C12orf42: variants seen among roughly 807,000 people sequenced by gnomAD.
C12orf42 encodes the protein chromosome 12 open reading frame 42, also known as uncharacterized protein C12orf42.
In C12orf42, 25 loss-of-function variants were observed where a neutral mutation model predicts 21.6. The observed-to-expected ratio is 1.16, with a 90% CI of 0.84 to 1.62. The LOEUF is 1.62. Among genes scored for constraint, C12orf42 ranks in the 40% most tolerant of loss-of-function variants. C12orf42 has a pLI of 0.00. For synonymous variants in C12orf42, 174 were observed against 175.0 expected (o/e 0.99, Z 0.05); for missense variants, 483 against 459.3 (o/e 1.05, Z -0.47).
chr12:103,261,341 G>A (rs1043779897), intron 10 of C12orf42, among the ~76,000 whole-genome samples: 40 of 151,990 alleles, frequency 2.6e-4, no homozygotes, highest in African/African-American at 9.4e-4. Context: ...AATTAGCTGG[G>A]CTATGTGGTA....
chr12:103,460,783 T>A (rs1952648145), intron 2 of C12orf42, among the ~76,000 whole-genome samples: 1 of 152,210 alleles, frequency 6.6e-6, no homozygotes, highest in Non-Finnish European at 1.5e-5. Context: ...TATGCATGTG[T>A]GAGCATAAAT....
At chr12:103,518,548 T>C in the C12orf42 span, among the ~76,000 whole-genome samples, 1 of 152,194 alleles carries the variant, frequency 6.6e-6, no homozygotes, top group Non-Finnish European at 1.5e-5. Context: ...TGGTCCCAAC[T>C]GGCAGAACCT....
At position 103,400,631 on chromosome 12, in the gene C12orf42, G is replaced by A. The variant is rs569347881; in HGVS notation, c.147+976C>T. Among the ~76,000 whole-genome samples the A allele has an allele frequency of 1.2e-4, 18 of 152,282 alleles. 1 individual carries two copies. The South Asian group carries it at 3.5e-3, about 30-fold the overall frequency. Reference sequence around the variant, plus strand: ...AGGTCATGTTTTTCAACTAGGTCATGTTTTTCATCTTTTCTACTATTGGCC... The same window carrying A: ...AGGTCATGTTTTTCAACTAGGTCATATTTTTCATCTTTTCTACTATTGGCC... On this transcript the variant is annotated intron_variant, in intron 3 of 5. Transcript: ENST00000548883.
the C12orf42 span, among the ~76,000 whole-genome samples, chr12:103,530,632 G>C: frequency 6.6e-6 from 1 of 152,084 alleles, no homozygotes; most frequent in East Asian, 1.9e-4. Flanking sequence ...TGTTCGGGGG[G>C]GGAAAACCCA....
At chr12:103,528,657 T>C in the C12orf42 span, among the ~76,000 whole-genome samples, 1 of 152,202 alleles carries the variant, frequency 6.6e-6, no homozygotes, top group Non-Finnish European at 1.5e-5. Flanking sequence ...CTGCCATGAA[T>C]AGAAGCCACC....
At chr12:103,496,959 A>G (rs992210058), upstream of C12orf42, among the ~76,000 whole-genome samples, 2 of 152,220 alleles carry the variant, frequency 1.3e-5, no homozygotes, top group Non-Finnish European at 2.9e-5. Flanking sequence ...CTTTAAAAAA[A>G]AAAGTAAGTT....
intron 10 of C12orf42, among the ~76,000 whole-genome samples, chr12:103,251,107 C>T (rs2034278033): frequency 6.6e-6 from 1 of 152,088 alleles, no homozygotes; most frequent in Non-Finnish European, 1.5e-5. Flanking sequence ...AGGATGACAA[C>T]AAAGCAAACT....
chr12:103,430,841 T>C (rs1308938982), intron 2 of C12orf42, among the ~76,000 whole-genome samples: 3 of 152,204 alleles, frequency 2.0e-5, no homozygotes, highest in African/African-American at 7.2e-5. Context: ...GAAACCATTA[T>C]TCTCAGCAAA....
At chr12:103,277,237 G>A in intron 4 of C12orf42, 1 of 434,648 alleles carries the variant, frequency 2.3e-6, no homozygotes, top group South Asian at 1.7e-5. Flanking sequence ...TATGGAAAGG[G>A]GGATAGAAAG....
intron 4 of C12orf42, among the ~76,000 whole-genome samples, chr12:103,348,693 C>T (rs1217019150): frequency 6.6e-6 from 1 of 152,100 alleles, no homozygotes; most frequent in Non-Finnish European, 1.5e-5. Context: ...TAATGGTATA[C>T]AGAAGACATA....
At chr12:103,321,457 C>T (rs1265453830) in intron 4 of C12orf42, among the ~76,000 whole-genome samples, 4 of 143,838 alleles carry the variant, frequency 2.8e-5, no homozygotes, top group African/African-American at 1.0e-4. Context: ...GTCAGTGTGG[C>T]GATTCCTCAG....
At chr12:103,196,892 G>A in the C12orf42 span, among the ~76,000 whole-genome samples, 1 of 152,094 alleles carries the variant, frequency 6.6e-6, no homozygotes, top group Non-Finnish European at 1.5e-5. Context: ...TGCCTTTTAA[G>A]TGAGGTGTTT....
At chr12:103,061,424 T>A in the C12orf42 span, among the ~76,000 whole-genome samples, 4 of 152,186 alleles carry the variant, frequency 2.6e-5, no homozygotes, top group East Asian at 7.7e-4. Context: ...ATCTTTAATA[T>A]CCTTAAGGAC....
At chr12:103,281,512 A>T (rs2036117219) in intron 4 of C12orf42, among the ~76,000 whole-genome samples, 1 of 151,728 alleles carries the variant, frequency 6.6e-6, no homozygotes, top group Non-Finnish European at 1.5e-5. Flanking sequence ...GCCCACCACC[A>T]TGCCTGGCTA....
intron 1 of C12orf42, among the ~76,000 whole-genome samples, chr12:103,485,952 C>A (rs546370442): frequency 2.6e-5 from 4 of 152,172 alleles, no homozygotes; most frequent in Non-Finnish European, 5.9e-5. Context: ...TTCCTAATTG[C>A]ATACCCTTTA....
intron 3 of C12orf42, among the ~76,000 whole-genome samples, chr12:103,399,807 G>C (rs769975723): frequency 3.0e-4 from 45 of 151,876 alleles, no homozygotes; most frequent in Non-Finnish European, 6.0e-4. Flanking sequence ...TATAATACTG[G>C]AATACATACA....
At position 103,462,108 on chromosome 12, in the gene C12orf42, T is replaced by TTTTTTTTTTTTTG. The variant is rs1565868123; in HGVS notation, c.78+16240_78+16241insCAAAAAAAAAAAA. Among the ~76,000 whole-genome samples the TTTTTTTTTTTTTG allele has an allele frequency of 3.4e-5, 3 of 89,114 alleles. No homozygotes were observed. In the East Asian group the frequency reaches 9.0e-4, roughly 27 times the overall value. 58.5% of individuals were successfully genotyped at this position (89,114 alleles called of 152,430 possible). A position where few individuals can be genotyped will look rare whatever the true frequency, so the allele number is the denominator to read the frequency against. ...TGTTTTTTGCTTGGTTTTTTTTTTT[T>TTTTTTTTTTTTTG]TTTTTTTTTTTTTTTTGAGACAGAG... is the stretch of plus-strand genomic sequence containing the variant. On this transcript the variant is annotated intron_variant, in intron 2 of 5. Transcript: ENST00000548883.
intron 4 of C12orf42, among the ~76,000 whole-genome samples, chr12:103,333,233 T>C (rs945025851): frequency 6.6e-6 from 1 of 152,232 alleles, no homozygotes; most frequent in Non-Finnish European, 1.5e-5. Context: ...TTTGAATTGC[T>C]TCTCCATTCC....
the C12orf42 span, among the ~76,000 whole-genome samples, chr12:103,061,563 G>C: frequency 6.6e-6 from 1 of 151,376 alleles, no homozygotes; most frequent in Non-Finnish European, 1.5e-5. Context: ...TATTTACTTG[G>C]TATGTATAAA....
Sources: gnomAD v4.1 joint callset for allele counts (sites outside exome capture counted in the v4.1 genomes callset) on GRCh38, gnomAD v4.1.1 for gene constraint, MANE v1.5 for transcripts, NCBI Gene and HGNC (gene_info 2026-07-23, HGNC 2026-07-21) for gene names.